The following ZNF749 variants were observed in gnomAD, a reference collection of about 807,000 sequenced individuals.
ZNF749 encodes zinc finger protein 749.
Under a neutral mutation model 7.3 loss-of-function variants are expected in ZNF749, and 8 were observed. The ratio of observed to expected loss-of-function variants is 1.10; its 90% confidence interval spans 0.64 to 1.98. ZNF749 has a LOEUF of 1.98. ZNF749 is among the 30% of genes most tolerant of loss of function. The pLI is 0.00. For synonymous variants in ZNF749, 310 were observed against 322.4 expected (o/e 0.96, Z 0.41); for missense variants, 898 against 932.4 (o/e 0.96, Z 0.48).
At chr19:57,430,631 A>G (rs1781113033), upstream of ZNF749, among the ~76,000 whole-genome samples, 1 of 152,156 alleles carries the variant, frequency 6.6e-6, no homozygotes, top group African/African-American at 2.4e-5. Context: ...TTGCCTACAT[A>G]CTTGGCTCTT....
chr19:57,445,225 G>A lies in ZNF749; in HGVS notation c.2077G>A (p.Glu693Lys). 6.2e-7 allele frequency: 1 copy of A among 1,614,024 alleles called. No homozygotes were observed. Among genetic ancestry groups the A allele is most frequent in the Non-Finnish European group, 8.5e-7 (1 of 1,179,908 alleles). Residue 693 changes from glutamate to lysine, a missense_variant, in exon 3 of 3, where the codon GAG becomes AAG. By Grantham distance (56) the Glu-to-Lys change is moderately conservative. Transcript: ENST00000334181. ...FIKHHKVCTG[E>K]KPHECSKCRE... is the part of the protein sequence containing the mutation. ...TAAACATCATAAAGTTTGCACTGGG[G>A]AGAAGCCTCATGAGTGCAGTAAATG...
At position 57,439,086 on chromosome 19, in the gene ZNF749, A is replaced by C. The variant is rs146641066; in HGVS notation, c.16-2799A>C. 1.0e-3 allele frequency among the ~76,000 whole-genome samples: 158 copies of C among 151,640 alleles called. No individual in the cohort carries two copies. Among genetic ancestry groups the C allele is most frequent in the African/African-American group, 3.7e-3 (151 of 41,316 alleles). ...ACTAGGGAAGGTTTGAGGAGGGGGG[A>C]AAAAGAGGTGACCTGACCCAGGTTT... On this transcript the variant is annotated intron_variant, in intron 1 of 2. Transcript: ENST00000334181. This position sits in a 1 kb window ranked among gnomAD's most constrained non-coding sequence, Gnocchi z 4.3.
rs1380241601 is a variant in ZNF749 at position 57,444,165 on chromosome 19, C to G, written c.1017C>G (p.Ser339=). The G allele has an allele frequency of 6.2e-7, 1 of 1,613,916 alleles. No individual in the cohort carries two copies. ...GTGGGAAGTTTTTTATGTATAACTC[C>G]AAACTCATCAGACATCAGAAAGTTC... The part of the protein sequence containing the change: ...NKCGKFFMYN[S]KLIRHQKVHT... Residue 339 remains serine (S), a synonymous_variant, in exon 3 of 3, where the codon TCC becomes TCG. Coordinates refer to ENST00000334181, the MANE Select transcript of ZNF749 (RefSeq NM_001023561.4).
At position 57,435,327 on chromosome 19, in the gene ZNF749, T is replaced by A; in HGVS notation, c.-252T>A. ...GAGGTCTCAATTGTGTGGGCGGGACTTCTGGCGGCGCCCTCATGGTTGCGT... is the reference window on the plus strand; with the variant it reads ...GAGGTCTCAATTGTGTGGGCGGGACATCTGGCGGCGCCCTCATGGTTGCGT... On this transcript the variant is annotated 5_prime_UTR_variant, in exon 1 of 3. Coordinates refer to ENST00000334181, the MANE Select transcript of ZNF749 (RefSeq NM_001023561.4). 1 of 605,612 alleles carries A rather than the reference T, an allele frequency of 1.7e-6. No homozygotes were observed. The highest frequency in any genetic ancestry group is 2.9e-6 in the Non-Finnish European group (1 of 341,464). 37.5% of individuals were successfully genotyped at this position (605,612 alleles called of 1,614,324 possible).
chr19:57,435,258 A>T, upstream of ZNF749: 1 of 508,584 alleles, frequency 2.0e-6, no homozygotes, highest in Non-Finnish European at 3.5e-6. Flanking sequence ...CTGCGGGGGC[A>T]GGGCAGCGAG....
In ZNF749 at chr19:57,444,251, C is replaced by T. The variant is rs1443045348; in HGVS notation, c.1103C>T (p.Thr368Ile). Residue 368 changes from threonine (T) to isoleucine (I), a missense_variant, in exon 3 of 3, where the codon ACA becomes ATA. Transcript: ENST00000334181. ...ECGKLFMDSF[T>I]LGRHQRVHTG... ...GGGAAATTGTTTATGGACAGCTTCA[C>T]ACTCGGTAGACATCAGAGAGTTCAT... 2.5e-6 allele frequency: 4 copies of T among 1,613,996 alleles called. No homozygotes were observed. Among genetic ancestry groups the T allele is most frequent in the Non-Finnish European group, 3.4e-6 (4 of 1,179,972 alleles).
chr19:57,429,843 C>T, the ZNF749 span, among the ~76,000 whole-genome samples: 1 of 152,090 alleles, frequency 6.6e-6, no homozygotes, highest in Non-Finnish European at 1.5e-5. This position sits in a 1 kb window ranked among gnomAD's most constrained non-coding sequence, Gnocchi z 4.2. Flanking sequence ...TCAAAAGGCA[C>T]ATGTTTCTAA....
rs769909917 is a variant in ZNF749, at chr19:57,444,980, C to T, written c.1832C>T (p.Pro611Leu). 1 of 1,614,188 alleles carries T rather than the reference C, an allele frequency of 6.2e-7. No individual in the cohort carries two copies. The highest frequency in any genetic ancestry group is 1.7e-5 in the Admixed American group (1 of 60,020). The change falls in exon 3 of 3, where the codon CCT becomes CTT. Residue 611 changes from proline (P) to leucine (L), a missense_variant. Coordinates refer to ENST00000334181, the MANE Select transcript of ZNF749 (RefSeq NM_001023561.4). ...CAGAGAATTCACACTGGAGAAAAGC[C>T]TTATAAATGCAGCAAATGTGGGAAA... ...IHQRIHTGEKPYKCSKCGKFF... is the reference protein window; with the variant it reads ...IHQRIHTGEKLYKCSKCGKFF...
intron 1 of ZNF749, among the ~76,000 whole-genome samples, chr19:57,440,037 G>C (rs1175839041): frequency 6.6e-6 from 1 of 152,118 alleles, no homozygotes; most frequent in Non-Finnish European, 1.5e-5. Context: ...ACAGATGAGA[G>C]AGTGGATCGA....
In ZNF749 at chr19:57,436,595, C is replaced by G. The variant is rs921635535; in HGVS notation, c.15+1002C>G. 2.6e-5 allele frequency among the ~76,000 whole-genome samples: 4 copies of G among 152,206 alleles called. No homozygotes were observed. Among genetic ancestry groups the G allele is most frequent in the Non-Finnish European group, 5.9e-5 (4 of 68,036 alleles). On this transcript the variant is annotated intron_variant, in intron 1 of 2. Coordinates refer to ENST00000334181, the MANE Select transcript of ZNF749 (RefSeq NM_001023561.4). The surrounding 1 kb of genome is among the most constrained non-coding windows in gnomAD (Gnocchi z 4.0). ...AGATAATTGTAGTCACTCCACCCTTCTAACTCAGCTGGCCCTGAGGGCCAC... is the reference window on the plus strand; with the variant it reads ...AGATAATTGTAGTCACTCCACCCTTGTAACTCAGCTGGCCCTGAGGGCCAC...
Position 57,445,336 on chromosome 19 carries a change from G to T in ZNF749, c.2188G>T (p.Gly730Trp), listed in dbSNP as rs911129683. 3 of 1,613,618 alleles carry T rather than the reference G, an allele frequency of 1.9e-6. No individual in the cohort carries two copies. The highest frequency in any genetic ancestry group is 3.3e-5 in the Admixed American group (2 of 59,982). ...AAGTCCTTTTAAGTTAAGGGAATGTGGGAAAGACTTCAACAAATGTAATAC... is the reference window on the plus strand; with the variant it reads ...AAGTCCTTTTAAGTTAAGGGAATGTTGGAAAGACTTCAACAAATGTAATAC... ...GESPFKLREC[G>W]KDFNKCNTGQ... Residue 730 changes from glycine (G) to tryptophan (W), a missense_variant, in exon 3 of 3, where the codon GGG becomes TGG. Gly to Trp is a radical substitution (Grantham distance 184, BLOSUM62 -2). Coordinates refer to ENST00000334181, the MANE Select transcript of ZNF749 (RefSeq NM_001023561.4).
chr19:57,435,923 AG>A (rs1319377664), intron 1 of ZNF749, among the ~76,000 whole-genome samples: 1 of 152,158 alleles, frequency 6.6e-6, no homozygotes, highest in African/African-American at 2.4e-5. Flanking sequence ...GACGAATGGG[AG>A]GGTCACGCCC....
Position 57,438,153 on chromosome 19 carries a change from G to A in ZNF749, c.15+2560G>A, listed in dbSNP as rs1310951779. On this transcript the variant is annotated intron_variant, in intron 1 of 2. Coordinates refer to ENST00000334181, the MANE Select transcript of ZNF749 (RefSeq NM_001023561.4). The stretch of plus-strand genomic sequence containing the variant: ...CTCAGTATGCCACTGGAGGCTATAT[G>A]AGTAAACAGCAAACTGTTTCTCATG... The A allele has an allele frequency of 7.5e-6, 3 of 398,862 alleles. No individual in the cohort carries two copies. The East Asian group carries it at 1.1e-4, about 14-fold the overall frequency. 24.7% of individuals were successfully genotyped at this position (398,862 alleles called of 1,614,324 possible).
At chr19:57,432,408 C>A (rs1437785440), upstream of ZNF749, among the ~76,000 whole-genome samples, 1 of 150,564 alleles carries the variant, frequency 6.6e-6, no homozygotes, top group Non-Finnish European at 1.5e-5. Flanking sequence ...ACTAAAAATA[C>A]AAAATTAGCC....
Position 57,435,345 on chromosome 19 carries a change from G to A in ZNF749, c.-234G>A. On this transcript the variant is annotated 5_prime_UTR_variant, in exon 1 of 3. The change abolishes an upstream ATG in the 5' untranslated region. Transcript: ENST00000334181. ...GCGGGACTTCTGGCGGCGCCCTCAT[G>A]GTTGCGTTAGCATGGCTACCTAGGG... 1 of 624,452 alleles carries A rather than the reference G, an allele frequency of 1.6e-6. No homozygotes were observed. The highest frequency in any genetic ancestry group is 2.8e-5 in the East Asian group (1 of 36,110). The allele number at this position is 624,452 out of a possible 1,614,324, so 38.7% of individuals were successfully genotyped here. A position where few individuals can be genotyped will look rare whatever the true frequency, so the allele number is the denominator to read the frequency against.
intron 2 of ZNF749, among the ~76,000 whole-genome samples, chr19:57,443,047 G>C: frequency 6.6e-6 from 1 of 152,160 alleles, no homozygotes; most frequent in East Asian, 1.9e-4. Flanking sequence ...GAGTGAGTTG[G>C]AGACCCCACC....
upstream of ZNF749, among the ~76,000 whole-genome samples, chr19:57,434,820 C>G (rs538939201): frequency 6.6e-6 from 1 of 151,914 alleles, no homozygotes; most frequent in East Asian, 1.9e-4. Context: ...CACTAACGAT[C>G]AAAAAAAAGT....
chr19:57,432,002 A>T (rs1340094405), upstream of ZNF749, among the ~76,000 whole-genome samples: 2 of 151,908 alleles, frequency 1.3e-5, no homozygotes, highest in Non-Finnish European at 2.9e-5. Flanking sequence ...TTTAGTAAAG[A>T]TGGAGTTTTT....
In ZNF749 at chr19:57,445,436, A is replaced by T. The variant is rs541490509; in HGVS notation, c.2288A>T (p.Asn763Ile). ...CGESSKVFKY[N>I]SSLIKHQIIH... ...GAATCCAGCAAAGTGTTTAAATACA[A>T]CTCCAGCCTCATTAAACATCAGATA... Residue 763 changes from asparagine (N) to isoleucine (I), a missense_variant, in exon 3 of 3, where the codon AAC (asparagine) becomes ATC (isoleucine). By Grantham distance (149) the Asn-to-Ile change is moderately radical. Transcript: ENST00000334181. The T allele has an allele frequency of 6.2e-7, 1 of 1,613,068 alleles. No homozygotes were observed. The highest frequency in any genetic ancestry group is 2.2e-5 in the East Asian group (1 of 44,860).
Sources: gnomAD v4.1 joint callset for allele counts (sites outside exome capture counted in the v4.1 genomes callset) on GRCh38, gnomAD v4.1.1 for gene constraint, Gnocchi (gnomAD v3.1) non-coding constraint, MANE v1.5 for transcripts, NCBI Gene and HGNC (gene_info 2026-07-23, HGNC 2026-07-21) for gene names.